Variants in PLXDC2 observed in about 807,000 individuals in gnomAD.
PLXDC2 encodes plexin domain-containing protein 2.
PLXDC2 carries 40 observed loss-of-function variants against 68.9 expected under a neutral mutation model. That is an observed-to-expected ratio of 0.58 (90% CI 0.45 to 0.76). The LOEUF is 0.76. Ranked by LOEUF, PLXDC2 falls within the 30% of genes least tolerant of loss-of-function variation. The probability of loss-of-function intolerance (pLI) is 0.00; values close to 1 mark genes in which losing one functional copy is unlikely to be tolerated. For synonymous variants in PLXDC2, 243 were observed against 234.2 expected (o/e 1.04, Z -0.34); for missense variants, 644 against 661.9 (o/e 0.97, Z 0.30).
intron 1 of PLXDC2, among the ~76,000 whole-genome samples, chr10:19,938,023 G>A (rs1833758106): frequency 6.6e-6 from 1 of 152,156 alleles, no homozygotes; most frequent in Admixed American, 6.5e-5. Flanking sequence ...TGACTTCTCA[G>A]TGGTTATAAA....
chr10:20,233,023 T>C (rs559563194), intron 12 of PLXDC2, among the ~76,000 whole-genome samples: 6 of 152,218 alleles, frequency 3.9e-5, no homozygotes, highest in African/African-American at 1.4e-4. Context: ...CAAATGATAA[T>C]AATAAAAAGC....
chr10:19,974,854 A>G (rs1461674243), intron 1 of PLXDC2, among the ~76,000 whole-genome samples: 3 of 152,206 alleles, frequency 2.0e-5, no homozygotes, highest in Admixed American at 2.0e-4. Context: ...TATTGAAACA[A>G]TGAAACACTC....
chr10:19,852,514 T>G (rs1837140846), intron 1 of PLXDC2, among the ~76,000 whole-genome samples: 1 of 148,722 alleles, frequency 6.7e-6, no homozygotes, highest in East Asian at 2.0e-4. Context: ...TTGTTCTAAG[T>G]TCAGTGGAAA....
intron 4 of PLXDC2, among the ~76,000 whole-genome samples, chr10:20,100,157 A>T (rs1833403753): frequency 6.6e-6 from 1 of 152,184 alleles, no homozygotes; most frequent in African/African-American, 2.4e-5. Flanking sequence ...GCAAATGCTG[A>T]TTATATCCAC....
At chr10:20,193,191 G>T (rs971507033) in intron 9 of PLXDC2, among the ~76,000 whole-genome samples, 1 of 152,012 alleles carries the variant, frequency 6.6e-6, no homozygotes, top group Admixed American at 6.6e-5. Context: ...CTCCATAATG[G>T]AATTCTTGTG....
chr10:19,982,554 T>A (rs1340311565), intron 1 of PLXDC2, among the ~76,000 whole-genome samples: 1 of 152,222 alleles, frequency 6.6e-6, no homozygotes, highest in Non-Finnish European at 1.5e-5. Flanking sequence ...TTAACATATA[T>A]GTTTTTATAC....
At chr10:20,245,662 C>G (rs552362530) in intron 13 of PLXDC2, among the ~76,000 whole-genome samples, 157 bp downstream of exon 13, 37 of 152,300 alleles carry the variant, frequency 2.4e-4, no homozygotes, top group African/African-American at 8.4e-4. Flanking sequence ...CATGCACTCA[C>G]GTACATATTG....
At chr10:19,933,173 C>T (rs375445132) in intron 1 of PLXDC2, among the ~76,000 whole-genome samples, 8 of 151,832 alleles carry the variant, frequency 5.3e-5, no homozygotes, top group Admixed American at 3.3e-4. Flanking sequence ...AAAGGTTCTA[C>T]GTCAGCAAAA....
chr10:20,132,380 C>T lies in PLXDC2; in HGVS notation c.542-10915C>T, dbSNP rs1440799550. On this transcript the variant is annotated intron_variant, in intron 4 of 13. Transcript: ENST00000377252. Reference sequence around the variant, plus strand: ...AATTCATTTGGTCTTCAGTCTTGTTCGTGTCTTCTGTATACTTATGGATTG... The same window carrying T: ...AATTCATTTGGTCTTCAGTCTTGTTTGTGTCTTCTGTATACTTATGGATTG... Among the ~76,000 whole-genome samples the T allele has an allele frequency of 5.3e-5, 8 of 152,102 alleles. No individual in the cohort carries two copies. The South Asian group carries it at 6.2e-4, about 12-fold the overall frequency.
intron 6 of PLXDC2, among the ~76,000 whole-genome samples, chr10:20,150,977 C>T (rs116571566): frequency 6.6e-6 from 1 of 152,240 alleles, no homozygotes; most frequent in South Asian, 2.1e-4. Flanking sequence ...GGCTCTTGTC[C>T]TGAAGAATGT....
At chr10:19,824,381 C>A (rs1358704275) in intron 1 of PLXDC2, among the ~76,000 whole-genome samples, 3 of 152,112 alleles carry the variant, frequency 2.0e-5, no homozygotes, top group Admixed American at 6.5e-5. Flanking sequence ...CACTTAAAAT[C>A]TTGTTTGGTA....
intron 1 of PLXDC2, among the ~76,000 whole-genome samples, chr10:19,873,065 G>C (rs1296895235): frequency 1.3e-5 from 2 of 152,178 alleles, no homozygotes; most frequent in Admixed American, 6.5e-5. Flanking sequence ...GGTCGGTACA[G>C]GTTCAAAACA....
At chr10:20,183,831 G>A (rs1834641318) in intron 9 of PLXDC2, among the ~76,000 whole-genome samples, 1 of 151,976 alleles carries the variant, frequency 6.6e-6, no homozygotes, top group Non-Finnish European at 1.5e-5. Context: ...GCTATAGAGA[G>A]AAGTAAATTG....
intron 4 of PLXDC2, among the ~76,000 whole-genome samples, chr10:20,073,466 G>C (rs1056159554): frequency 6.6e-6 from 1 of 152,150 alleles, no homozygotes; most frequent in South Asian, 2.1e-4. Context: ...CTACGAATAA[G>C]CTTAAGTTTC....
chr10:19,954,591 A>G (rs1204011382), intron 1 of PLXDC2, among the ~76,000 whole-genome samples: 2 of 152,208 alleles, frequency 1.3e-5, no homozygotes. Context: ...ATTTACATGT[A>G]TCTTATTTTA....
At chr10:20,255,191 G>GGATA (rs199581943) in intron 13 of PLXDC2, among the ~76,000 whole-genome samples, 3,565 of 96,784 alleles carry the variant, frequency 0.037, 54 homozygotes, top group East Asian at 0.078. Flanking sequence ...ATAGGTGGAT[G>GGATA]GATAGATAGA....
chr10:20,264,315 A>C (rs1835844513), intron 13 of PLXDC2, among the ~76,000 whole-genome samples: 1 of 152,130 alleles, frequency 6.6e-6, no homozygotes, highest in Non-Finnish European at 1.5e-5. Flanking sequence ...GGTCTGCTTG[A>C]GGGGGAAGGG....
At chr10:20,231,299 T>A (rs1425688971) in intron 12 of PLXDC2, among the ~76,000 whole-genome samples, 1 of 149,962 alleles carries the variant, frequency 6.7e-6, no homozygotes, top group Non-Finnish European at 1.5e-5. Flanking sequence ...GTTTGATATA[T>A]ATAAAATATG....
rs566941848 is a variant in PLXDC2, at chr10:19,917,849, G to A, written c.113-83926G>A. Among the ~76,000 whole-genome samples the A allele has an allele frequency of 5.3e-5, 8 of 152,264 alleles. No homozygotes were observed. The East Asian group carries it at 1.5e-3, about 29-fold the overall frequency. On this transcript the variant is annotated intron_variant, in intron 1 of 13. Coordinates refer to ENST00000377252, the MANE Select transcript of PLXDC2 (RefSeq NM_032812.9). Reference sequence around the variant, plus strand: ...CCTGTGAATAACTCATAAACTGGGGGACTGGACAACAAAGAAAACACACAA... The same window carrying A: ...CCTGTGAATAACTCATAAACTGGGGAACTGGACAACAAAGAAAACACACAA...
Sources: gnomAD v4.1 joint callset for allele counts (sites outside exome capture counted in the v4.1 genomes callset) on GRCh38, gnomAD v4.1.1 for gene constraint, MANE v1.5 for transcripts, NCBI Gene and HGNC (gene_info 2026-07-23, HGNC 2026-07-21) for gene names.